CDC42BPA: variants seen among roughly 807,000 people sequenced by gnomAD.
CDC42BPA encodes the protein CDC42 binding protein kinase alpha.
In CDC42BPA, 80 loss-of-function variants were observed where a neutral mutation model predicts 223.5. The ratio of observed to expected loss-of-function variants is 0.36; its 90% CI spans 0.30 to 0.43. The LOEUF (loss-of-function observed/expected upper bound fraction) is 0.43, where lower values mean the gene tolerates loss of function less well. Among genes scored for constraint, CDC42BPA ranks in the 20% least tolerant of loss-of-function variants. The pLI is 1.00. For synonymous variants in CDC42BPA, 694 were observed against 718.6 expected, an observed-to-expected ratio of 0.97 and a Z score of 0.55; for missense variants, 1,743 against 2,099.9, an observed-to-expected ratio of 0.83 and a Z score of 3.32.
intron 5 of CDC42BPA, among the ~76,000 whole-genome samples, chr1:227,162,244 T>G (rs1465760723): frequency 6.6e-6 from 1 of 151,796 alleles, no homozygotes; most frequent in Non-Finnish European, 1.5e-5. Flanking sequence ...GTGAATATAT[T>G]TTATTCATAA....
chr1:227,138,555 G>A (rs1357977783), intron 10 of CDC42BPA, among the ~76,000 whole-genome samples: 2 of 139,386 alleles, frequency 1.4e-5, no homozygotes, highest in Non-Finnish European at 3.1e-5. Flanking sequence ...TTATCAGAAG[G>A]AATAAAAGGT....
intron 35 of CDC42BPA, among the ~76,000 whole-genome samples, chr1:226,997,162 A>G (rs910276599): frequency 1.3e-5 from 2 of 152,210 alleles, no homozygotes; most frequent in African/African-American, 2.4e-5. Flanking sequence ...CAGGGATTCA[A>G]CTTCTTCCTG....
chr1:227,225,135 A>ACT (rs1676638340), intron 2 of CDC42BPA, among the ~76,000 whole-genome samples: 1 of 152,210 alleles, frequency 6.6e-6, no homozygotes, highest in African/African-American at 2.4e-5. Flanking sequence ...AAGACTAAAT[A>ACT]TTTGGTAAGA....
At chr1:227,085,772 T>C (rs927418348) in intron 16 of CDC42BPA, among the ~76,000 whole-genome samples, 1 of 152,260 alleles carries the variant, frequency 6.6e-6, no homozygotes, top group South Asian at 2.1e-4. Flanking sequence ...TTTAAGTTTG[T>C]ACCTTAGGGT....
In CDC42BPA at chr1:227,276,420, G is replaced by A. The variant is rs555772297; in HGVS notation, c.179-22265C>T. On this transcript the variant is annotated intron_variant, in intron 1 of 36. Transcript: ENST00000366766. ...CGTCTGGGAAGTGAGGAGCGTCTCCGCCTGGCAGCTGCCCCGTCCGGGAGG... is the reference window on the plus strand; with the variant it reads ...CGTCTGGGAAGTGAGGAGCGTCTCCACCTGGCAGCTGCCCCGTCCGGGAGG... Among the ~76,000 whole-genome samples the A allele has an allele frequency of 1.1e-3, 167 of 151,814 alleles. 2 individuals are homozygous for A. The highest frequency in any genetic ancestry group is 2.4e-3 in the African/African-American group (98 of 41,420).
chr1:227,106,741 T>A (rs1686008812), intron 14 of CDC42BPA, among the ~76,000 whole-genome samples: 2 of 152,220 alleles, frequency 1.3e-5, no homozygotes, highest in Admixed American at 6.5e-5. Flanking sequence ...TTAATTTGTA[T>A]AACTGGTGTG....
chr1:227,179,635 CAAAAAA>C (rs59744442), intron 5 of CDC42BPA, among the ~76,000 whole-genome samples: 47 of 34,236 alleles, frequency 1.4e-3, no homozygotes, highest in South Asian at 5.9e-3. Flanking sequence ...GCCTCCATCT[CAAAAAA>C]AAAAAAAAAA....
intron 2 of CDC42BPA, among the ~76,000 whole-genome samples, chr1:227,236,740 G>C (rs1679105964): frequency 6.6e-6 from 1 of 152,036 alleles, no homozygotes; most frequent in South Asian, 2.1e-4. Context: ...CTTTCCAATG[G>C]AGTTAACCAT....
intron 3 of CDC42BPA, among the ~76,000 whole-genome samples, chr1:227,200,733 A>T (rs530943974): frequency 6.6e-6 from 1 of 152,298 alleles, no homozygotes; most frequent in African/African-American, 2.4e-5. Flanking sequence ...AGAAGTAGAA[A>T]TGCTAAATGA....
chr1:227,037,033 T>A (rs957064308), intron 24 of CDC42BPA, among the ~76,000 whole-genome samples: 6 of 151,926 alleles, frequency 3.9e-5, no homozygotes, highest in African/African-American at 1.5e-4. Flanking sequence ...GGGAAGAGAG[T>A]CTGAGAAGAC....
chr1:227,259,676 ATG>A (rs1683714837), intron 1 of CDC42BPA, among the ~76,000 whole-genome samples: 1 of 150,928 alleles, frequency 6.6e-6, no homozygotes, highest in Admixed American at 6.6e-5. Flanking sequence ...TAAACATAGT[ATG>A]TGACTTGCTG....
chr1:227,277,486 TC>T (rs1318806138), intron 1 of CDC42BPA, among the ~76,000 whole-genome samples: 3 of 152,194 alleles, frequency 2.0e-5, no homozygotes, highest in Non-Finnish European at 4.4e-5. Flanking sequence ...GCAAACATAA[TC>T]CAAAAAATAT....
intron 16 of CDC42BPA, among the ~76,000 whole-genome samples, chr1:227,081,414 T>TC (rs1248634075): frequency 1.3e-5 from 2 of 151,886 alleles, no homozygotes; most frequent in Non-Finnish European, 2.9e-5. Context: ...AATGATTACT[T>TC]CAACATCAAT....
Position 227,168,436 on chromosome 1 carries a change from T to G in CDC42BPA, c.600-7800A>C, listed in dbSNP as rs535206952. 1.6e-3 allele frequency among the ~76,000 whole-genome samples: 243 copies of G among 151,702 alleles called. 3 individuals carry two copies. The highest frequency in any genetic ancestry group is 5.1e-3 in the African/African-American group (211 of 41,368). On this transcript the variant is annotated intron_variant, in intron 5 of 36. Transcript: ENST00000366766. ...CCAAAATTTGCTCTCTGTCTTTGGATTTCAATAGTTTCACTATAATGAACC... is the reference window on the plus strand; with the variant it reads ...CCAAAATTTGCTCTCTGTCTTTGGAGTTCAATAGTTTCACTATAATGAACC...
chr1:227,143,654 CACG>C (rs1218493367), intron 8 of CDC42BPA, among the ~76,000 whole-genome samples: 4 of 152,196 alleles, frequency 2.6e-5, no homozygotes, highest in African/African-American at 9.7e-5. Flanking sequence ...TTCATTCAGG[CACG>C]AGTTACAGTG....
At chr1:227,211,238 G>T (rs573149460) in intron 3 of CDC42BPA, among the ~76,000 whole-genome samples, 65 of 152,182 alleles carry the variant, frequency 4.3e-4, no homozygotes, top group African/African-American at 1.6e-3. Flanking sequence ...CAGATACTTT[G>T]TCAAACAGGA....
chr1:227,268,576 GTATA>G (rs200903433), intron 1 of CDC42BPA, among the ~76,000 whole-genome samples: 5 of 146,790 alleles, frequency 3.4e-5, no homozygotes, highest in Non-Finnish European at 7.4e-5. Flanking sequence ...TATATATAGT[GTATA>G]TATATATGTG....
At chr1:227,195,483 C>T (rs930542014) in intron 4 of CDC42BPA, among the ~76,000 whole-genome samples, 44 of 111,852 alleles carry the variant, frequency 3.9e-4, no homozygotes, top group African/African-American at 1.3e-3. Flanking sequence ...GGTACCCTAA[C>T]GTTGAACTGA....
At chr1:227,080,854 C>T (rs1680482760) in intron 17 of CDC42BPA, 39 bp downstream of exon 17, 1 of 1,610,646 alleles carries the variant, frequency 6.2e-7, no homozygotes, top group Non-Finnish European at 8.5e-7. Flanking sequence ...GCCACATACT[C>T]ACAATCATCC....
Sources: allele counts gnomAD v4.1 joint callset (sites outside exome capture counted in the v4.1 genomes callset), GRCh38; gene constraint gnomAD v4.1.1; transcripts MANE v1.5; gene names NCBI Gene and HGNC (gene_info 2026-07-23, HGNC 2026-07-21).